Variants in ZNF251 observed in about 807,000 individuals in gnomAD.
The protein encoded by ZNF251 is zinc finger protein 251.
A neutral mutation model predicts 13.5 loss-of-function variants in ZNF251; 14 were observed. The observed-to-expected ratio is 1.04, with a 90% CI of 0.69 to 1.63. ZNF251 has a LOEUF of 1.63. Ranked by LOEUF, ZNF251 falls within the 40% of genes most tolerant of loss-of-function variation. The pLI is 0.00. For synonymous variants in ZNF251, 287 were observed against 295.2 expected, an observed-to-expected ratio of 0.97 and a Z score of 0.28; for missense variants, 764 against 834.9, an observed-to-expected ratio of 0.92 and a Z score of 1.05.
intron 4 of ZNF251, among the ~76,000 whole-genome samples, chr8:144,735,265 T>C (rs1408343508): frequency 6.7e-6 from 1 of 149,200 alleles, no homozygotes; most frequent in Non-Finnish European, 1.5e-5. Flanking sequence ...AGTGCACCTG[T>C]AATCCCAGCT....
At chr8:144,739,054 C>A (rs1174391631) in intron 4 of ZNF251, among the ~76,000 whole-genome samples, 1 of 152,046 alleles carries the variant, frequency 6.6e-6, no homozygotes, top group Admixed American at 6.6e-5. Context: ...CAGCCCCCAT[C>A]TCATGGGGGA....
At chr8:144,736,632 C>T (rs920585631) in intron 4 of ZNF251, among the ~76,000 whole-genome samples, 3 of 152,052 alleles carry the variant, frequency 2.0e-5, no homozygotes, top group Admixed American at 6.6e-5. Flanking sequence ...GCTGGGATTA[C>T]AGGCAGGCGC....
chr8:144,737,180 C>G (rs1397665277), intron 4 of ZNF251, among the ~76,000 whole-genome samples: 2 of 152,088 alleles, frequency 1.3e-5, no homozygotes, highest in African/African-American at 4.8e-5. Context: ...TCATGGCAGT[C>G]TTGACCTTCC....
At position 144,736,455 on chromosome 8, in the gene ZNF251, T is replaced by TTTTATTTA. The variant is rs71297475; in HGVS notation, c.278-13081_278-13074dup. On this transcript the variant is annotated intron_variant, in intron 4 of 4. Transcript: ENST00000292562. ...ACCCTCGGGAGTTCACCTTCCTTTA[T>TTTTATTTA]TTTATTTATTTATTTATTTATTTAT... is the stretch of plus-strand genomic sequence containing the variant. 6.1e-3 allele frequency among the ~76,000 whole-genome samples: 867 copies of TTTTATTTA among 142,348 alleles called. 4 individuals carry two copies. Among genetic ancestry groups the TTTTATTTA allele is most frequent in the East Asian group, 8.2e-3 (39 of 4,768 alleles). 93.4% of individuals were successfully genotyped at this position (142,348 alleles called of 152,430 possible).
intron 4 of ZNF251, among the ~76,000 whole-genome samples, chr8:144,735,436 GGGGCT>G (rs1823854033): frequency 1.3e-5 from 2 of 151,786 alleles, no homozygotes; most frequent in African/African-American, 4.8e-5. Context: ...GAGTGAAAAG[GGGGCT>G]GGCCAGCTAC....
intron 4 of ZNF251, among the ~76,000 whole-genome samples, chr8:144,735,743 A>G (rs1392492945): frequency 6.6e-6 from 1 of 151,974 alleles, no homozygotes; most frequent in Non-Finnish European, 1.5e-5. Context: ...GACCACACCC[A>G]CCTCCTGCTA....
rs576260794 is a variant in ZNF251 at position 144,740,949 on chromosome 8, A to G, written c.277+12734T>C. 8.6e-5 allele frequency among the ~76,000 whole-genome samples: 13 copies of G among 150,558 alleles called. 1 individual carries two copies. The highest frequency in any genetic ancestry group is 1.3e-4 in the Non-Finnish European group (9 of 68,006). On this transcript the variant is annotated intron_variant, in intron 4 of 4. Coordinates refer to ENST00000292562, the MANE Select transcript of ZNF251 (RefSeq NM_138367.2). ...ACTCCGTCTCAAAAAACAAAAAAAA[A>G]GAAACAAAAAAAAACCCCCAAAAAT...
At chr8:144,737,643 T>C (rs1823958912) in intron 4 of ZNF251, among the ~76,000 whole-genome samples, 1 of 151,504 alleles carries the variant, frequency 6.6e-6, no homozygotes, top group South Asian at 2.1e-4. Context: ...CCATCCTGGC[T>C]AACACGGTGA....
In ZNF251 at chr8:144,722,506, G is replaced by T; in HGVS notation, c.1154C>A (p.Ala385Asp). The stretch of plus-strand genomic sequence containing the variant: ...GAAAAGGCTTGAGCTCTGACTGAAG[G>T]CCTTCCCACACTGATTGCATTTATG... Reference protein sequence around the residue: ...KPHKCNQCGKAFSQSSSLFLH... With the variant: ...KPHKCNQCGKDFSQSSSLFLH... Residue 385 changes from alanine to aspartate, a missense_variant, in exon 5 of 5, where the codon GCC becomes GAC. Physicochemically the swap from Ala to Asp is moderately radical, Grantham distance 126. Transcript: ENST00000292562. The surrounding 1 kb of genome is among the most constrained non-coding windows in gnomAD (Gnocchi z 4.8). The T allele has an allele frequency of 1.9e-6, 3 of 1,613,854 alleles. No homozygotes were observed. In the South Asian group the frequency reaches 3.3e-5, roughly 18 times the overall value.
rs576584933 is a variant in ZNF251 at position 144,721,613 on chromosome 8, A to G, written c.*31T>C. 3.9e-5 allele frequency: 52 copies of G among 1,318,992 alleles called. 1 individual carries two copies. In the South Asian group the frequency reaches 1.4e-3, roughly 34 times the overall value. The allele number at this position is 1,318,992 out of a possible 1,614,324, so 81.7% of individuals were successfully genotyped here. On this transcript the variant is annotated 3_prime_UTR_variant, in exon 5 of 5. Transcript: ENST00000292562. ...TCTTATCTTCTAATGTCAAGTGAAC[A>G]GTTGCTAAACTGTCTTCTGCATTTA... is the stretch of plus-strand genomic sequence containing the variant.
At chr8:144,732,884 T>C (rs949098434) in intron 4 of ZNF251, among the ~76,000 whole-genome samples, 5 of 150,542 alleles carry the variant, frequency 3.3e-5, no homozygotes, top group Non-Finnish European at 7.4e-5. Flanking sequence ...CCACAGTAGG[T>C]AACTTAATAC....
chr8:144,755,482 C>T lies in ZNF251; in HGVS notation c.-153G>A, dbSNP rs1215766909. The T allele has an allele frequency of 1.6e-6, 2 of 1,287,328 alleles. No homozygotes were observed. Among genetic ancestry groups the T allele is most frequent in the Admixed American group, 2.3e-5 (1 of 43,566 alleles). 79.7% of individuals were successfully genotyped at this position (1,287,328 alleles called of 1,614,324 possible). A position where few individuals can be genotyped will look rare whatever the true frequency, so the allele number is the denominator to read the frequency against. On this transcript the variant is annotated 5_prime_UTR_variant, in exon 1 of 5. Coordinates refer to ENST00000292562, the MANE Select transcript of ZNF251 (RefSeq NM_138367.2). ...TCGCACCGAGCCCGGAACGGACCCT[C>T]CCACAGAACCGGGTCCAGAGCCGGG... is the stretch of plus-strand genomic sequence containing the variant.
In ZNF251 at chr8:144,722,951, A is replaced by G. The variant is rs1563753822; in HGVS notation, c.709T>C (p.Tyr237His). The change falls in exon 5 of 5, where the codon TAC becomes CAC. Residue 237 changes from tyrosine to histidine, a missense_variant. Coordinates refer to ENST00000292562, the MANE Select transcript of ZNF251 (RefSeq NM_138367.2). The surrounding 1 kb of genome is among the most constrained non-coding windows in gnomAD (Gnocchi z 4.8). ...GCTCGCCCACACCGGCCACATTCGTACGGCTTCTCCCCAGTGTGACTTCTC... is the reference window on the plus strand; with the variant it reads ...GCTCGCCCACACCGGCCACATTCGTGCGGCTTCTCCCCAGTGTGACTTCTC... ...HQRSHTGEKP[Y>H]ECGRCGRAFT... The G allele has an allele frequency of 1.2e-6, 2 of 1,613,830 alleles. No individual in the cohort carries two copies. The highest frequency in any genetic ancestry group is 1.7e-6 in the Non-Finnish European group (2 of 1,179,816).
intron 4 of ZNF251, among the ~76,000 whole-genome samples, chr8:144,739,337 A>G (rs998268063): frequency 2.9e-5 from 4 of 139,642 alleles, no homozygotes; most frequent in African/African-American, 1.1e-4. Context: ...TCATGACTCC[A>G]CTCCCCAAAC....
chr8:144,736,435 C>T (rs377254868), intron 4 of ZNF251, among the ~76,000 whole-genome samples: 133 of 151,966 alleles, frequency 8.8e-4, no homozygotes, highest in African/African-American at 3.0e-3. Flanking sequence ...AACAAACCCT[C>T]GGGAGTTCAC....
rs1264120944 is a variant in ZNF251 at position 144,755,068 on chromosome 8, G to A, written c.-75-265C>T. ...CAGACCTGCTGAAGGCCCTGGAAAT[G>A]GGGTGCAGGGCCGTTCTACCTGCCT... On this transcript the variant is annotated intron_variant, in intron 1 of 4. Coordinates refer to ENST00000292562, the MANE Select transcript of ZNF251 (RefSeq NM_138367.2). 9 of 1,309,074 alleles carry A rather than the reference G, an allele frequency of 6.9e-6. No homozygotes were observed. The Admixed American group carries it at 2.9e-4, about 42-fold the overall frequency. 81.1% of individuals were successfully genotyped at this position (1,309,074 alleles called of 1,614,324 possible).
rs2467664 is a variant in ZNF251, at chr8:144,729,369, C to T, written c.278-5987G>A. On this transcript the variant is annotated intron_variant, in intron 4 of 4. Coordinates refer to ENST00000292562, the MANE Select transcript of ZNF251 (RefSeq NM_138367.2). ...TTTTTTTTTGTGAGATAGAGTCTTG[C>T]TCTGTCGCCCAGGCTGGAGTGCAGT... Among the ~76,000 whole-genome samples, 4,136 of 148,490 alleles carry T rather than the reference C, an allele frequency of 0.028. 350 individuals carry two copies. In the East Asian group the frequency reaches 0.32, roughly 12 times the overall value.
intron 4 of ZNF251, among the ~76,000 whole-genome samples, chr8:144,744,219 C>T (rs981545317): frequency 1.3e-5 from 2 of 152,008 alleles, no homozygotes; most frequent in African/African-American, 4.8e-5. Context: ...ACCATGTTGG[C>T]CAGGCTGGTC....
intron 4 of ZNF251, among the ~76,000 whole-genome samples, chr8:144,733,675 A>G (rs977678011): frequency 6.6e-5 from 10 of 152,306 alleles, no homozygotes; most frequent in African/African-American, 2.4e-4. Context: ...CCAGGAAGGC[A>G]GATGCCCCAG....
Sources: gnomAD v4.1 joint callset for allele counts (sites outside exome capture counted in the v4.1 genomes callset) on GRCh38, gnomAD v4.1.1 for gene constraint, Gnocchi (gnomAD v3.1) non-coding constraint, MANE v1.5 for transcripts, NCBI Gene and HGNC (gene_info 2026-07-23, HGNC 2026-07-21) for gene names.